ZNF536: variants seen among roughly 807,000 people sequenced by gnomAD.
ZNF536 encodes the protein zinc finger protein 536.
Under a neutral mutation model 84.5 loss-of-function variants are expected in ZNF536, and 13 were observed. The observed-to-expected ratio is 0.15, with a 90% confidence interval of 0.10 to 0.24. The LOEUF (loss-of-function observed/expected upper bound fraction) is 0.24, where lower values mean the gene tolerates loss of function less well. Among genes scored for constraint, ZNF536 ranks in the 10% least tolerant of loss-of-function variants. The probability of loss-of-function intolerance (pLI) is 1.00; values close to 1 mark genes in which losing one functional copy is unlikely to be tolerated. For synonymous variants in ZNF536, 811 were observed against 742.5 expected, an observed-to-expected ratio of 1.09 and a Z score of -1.50; for missense variants, 1,536 against 1,747.5, an observed-to-expected ratio of 0.88 and a Z score of 2.16.
chr19:30,560,403 T>C (rs2046120978), downstream of ZNF536, among the ~76,000 whole-genome samples: 1 of 151,838 alleles, frequency 6.6e-6, no homozygotes, highest in African/African-American at 2.4e-5. Context: ...CATCCCCATG[T>C]GGAAATATAA....
At chr19:30,600,042 G>GTT (rs60592659) in intron 1 of ZNF536, among the ~76,000 whole-genome samples, 28 of 148,364 alleles carry the variant, frequency 1.9e-4, no homozygotes, top group African/African-American at 6.7e-4. Context: ...GCTCCTAGCT[G>GTT]TTTTTTTTTT....
chr19:30,383,890 CTTCTTTCT>C, intron 1 of ZNF536, among the ~76,000 whole-genome samples: 1 of 99,812 alleles, frequency 1.0e-5, no homozygotes, highest in African/African-American at 4.3e-5. Context: ...CCCTCCCTTC[CTTCTTTCT>C]TTCTTTCCTT....
At chr19:30,685,740 G>A (rs2051152708) in intron 1 of ZNF536, among the ~76,000 whole-genome samples, 1 of 152,172 alleles carries the variant, frequency 6.6e-6, no homozygotes, top group South Asian at 2.1e-4. Context: ...AGGGGGATGG[G>A]GGCACCGTCC....
intron 1 of ZNF536, among the ~76,000 whole-genome samples, chr19:30,250,458 G>A (rs2024543580): frequency 6.6e-6 from 1 of 152,164 alleles, no homozygotes; most frequent in Non-Finnish European, 1.5e-5. Context: ...CGGGTGTTGG[G>A]GCAGGTCTCT....
rs551404844 is a variant in ZNF536, at chr19:30,253,799, G to A, written c.-190+25126G>A. 5.9e-5 allele frequency among the ~76,000 whole-genome samples: 9 copies of A among 152,238 alleles called. No individual in the cohort carries two copies. The East Asian group carries it at 1.2e-3, about 20-fold the overall frequency. On this transcript the variant is annotated intron_variant, in intron 1 of 5. Coordinates refer to the ZNF536 transcript ENST00000585628. ...CTTTGAGATGGGTAATTGGTGGCAT[G>A]TGGTCCGTGAGCCATGTGTGAGAGC...
intron 1 of ZNF536, among the ~76,000 whole-genome samples, chr19:30,607,101 T>C (rs2047926529): frequency 6.6e-6 from 1 of 152,202 alleles, no homozygotes; most frequent in Non-Finnish European, 1.5e-5. Flanking sequence ...ACTGAGCAGC[T>C]TGGATCAAAT....
At chr19:30,695,692 C>T (rs1341821645) in intron 1 of ZNF536, among the ~76,000 whole-genome samples, 1 of 152,078 alleles carries the variant, frequency 6.6e-6, no homozygotes, top group Non-Finnish European at 1.5e-5. Context: ...GGGGTGGGCA[C>T]ATGTATAGCC....
At chr19:30,332,958 T>C (rs1446407669) in intron 2 of ZNF536, among the ~76,000 whole-genome samples, 1 of 152,122 alleles carries the variant, frequency 6.6e-6, no homozygotes, top group African/African-American at 2.4e-5. Context: ...GGCATGCACC[T>C]GTGGTCCCAG....
intron 2 of ZNF536, among the ~76,000 whole-genome samples, chr19:30,314,532 TC>T: frequency 6.6e-6 from 1 of 152,074 alleles, no homozygotes; most frequent in Non-Finnish European, 1.5e-5. Context: ...CACACCGTGT[TC>T]CCAGAGCCTT....
intron 1 of ZNF536, among the ~76,000 whole-genome samples, chr19:30,272,257 A>G (rs930581608): frequency 1.3e-5 from 2 of 152,034 alleles, no homozygotes; most frequent in Non-Finnish European, 2.9e-5. Flanking sequence ...TTATTTTTTG[A>G]GCAGTTTTAA....
chr19:30,386,910 A>G (rs963921457), intron 1 of ZNF536, among the ~76,000 whole-genome samples: 3 of 152,258 alleles, frequency 2.0e-5, no homozygotes, highest in African/African-American at 7.2e-5. Context: ...GGTCGCCGGC[A>G]TGGACAGCAG....
At chr19:30,296,542 G>A (rs745843429) in intron 2 of ZNF536, among the ~76,000 whole-genome samples, 27 of 152,156 alleles carry the variant, frequency 1.8e-4, no homozygotes, top group Non-Finnish European at 3.2e-4. Context: ...TGAACTAGCC[G>A]GGGTGAAGGG....
exon 2 of ZNF536, chr19:30,712,034 T>G (rs2052468757): frequency 7.5e-6 from 1 of 133,408 alleles, no homozygotes; most frequent in South Asian, 2.7e-4. Context: ...TCCAGCAAGC[T>G]CTTATGAAAT....
intron 1 of ZNF536, among the ~76,000 whole-genome samples, chr19:30,613,561 A>G (rs572970921): frequency 6.6e-6 from 1 of 152,166 alleles, no homozygotes; most frequent in Admixed American, 6.5e-5. Flanking sequence ...ATTGTCTCAG[A>G]TTTGGCAATT....
At chr19:30,675,357 C>T (rs549565919) in intron 1 of ZNF536, among the ~76,000 whole-genome samples, 2 of 152,316 alleles carry the variant, frequency 1.3e-5, no homozygotes, top group Admixed American at 6.5e-5. Flanking sequence ...TCAAAGGTGT[C>T]CGTTGCTCTA....
chr19:30,554,376 C>G (rs913335946), intron 4 of ZNF536: 2 of 148,530 alleles, frequency 1.3e-5, no homozygotes, highest in East Asian at 4.0e-4. Context: ...TCCTGCCTGT[C>G]TCCCAAGTAG....
chr19:30,439,959 CTTT>C (rs199638233), intron 1 of ZNF536, among the ~76,000 whole-genome samples: 1 of 96,392 alleles, frequency 1.0e-5, no homozygotes, highest in Non-Finnish European at 2.0e-5. Flanking sequence ...TTCTTTCTTT[CTTT>C]TTTTTTTTTT....
intron 2 of ZNF536, among the ~76,000 whole-genome samples, chr19:30,505,419 CTT>C (rs2055133993): frequency 1.4e-5 from 2 of 146,608 alleles, no homozygotes; most frequent in African/African-American, 2.5e-5. Flanking sequence ...TATGAAATAT[CTT>C]ATATAGTTAT....
chr19:30,586,219 C>T (rs2047089161), intron 1 of ZNF536, among the ~76,000 whole-genome samples: 1 of 152,248 alleles, frequency 6.6e-6, no homozygotes, highest in Non-Finnish European at 1.5e-5. Context: ...TGAATACCCT[C>T]TGCTTATCCT....
Sources: gnomAD v4.1 joint callset for allele counts (sites outside exome capture counted in the v4.1 genomes callset) on GRCh38, gnomAD v4.1.1 for gene constraint, MANE v1.5 for transcripts, NCBI Gene and HGNC (gene_info 2026-07-23, HGNC 2026-07-21) for gene names.